The following SNX14 variants were observed in gnomAD, a reference collection of about 807,000 sequenced individuals.
SNX14 encodes the protein sorting nexin 14, also known as sorting nexin-14.
A neutral mutation model predicts 133.8 loss-of-function variants in SNX14; 93 were observed. That is an observed-to-expected ratio of 0.70 (90% CI 0.59 to 0.83). The LOEUF is 0.83. Ranked by LOEUF, SNX14 falls within the 40% of genes least tolerant of loss-of-function variation. The probability of loss-of-function intolerance (pLI) is 0.00; values close to 1 mark genes in which losing one functional copy is unlikely to be tolerated. For synonymous variants in SNX14, 368 were observed against 365.6 expected, an observed-to-expected ratio of 1.01 and a Z score of -0.07; for missense variants, 945 against 1,094.9, an observed-to-expected ratio of 0.86 and a Z score of 1.93.
intron 25 of SNX14, 75 bp downstream of exon 25, chr6:85,513,994 GA>G (rs1773884177): frequency 3.8e-6 from 6 of 1,559,754 alleles, no homozygotes; most frequent in Non-Finnish European, 5.2e-6. Flanking sequence ...AGCAAAACAA[GA>G]TTTCTTCCTC....
chr6:85,509,613 A>G (rs1772063105), intron 26 of SNX14, among the ~76,000 whole-genome samples: 1 of 152,166 alleles, frequency 6.6e-6, no homozygotes, highest in South Asian at 2.1e-4. Flanking sequence ...TGTCTCCCCG[A>G]CTATCAACAT....
intron 17 of SNX14, among the ~76,000 whole-genome samples, chr6:85,536,205 T>C (rs1219607706): frequency 2.6e-5 from 4 of 152,114 alleles, no homozygotes; most frequent in East Asian, 3.9e-4. Flanking sequence ...TCTAGGTCAA[T>C]ACACAAATGA....
chr6:85,548,658 T>C (rs564547569), intron 8 of SNX14, among the ~76,000 whole-genome samples: 2 of 152,146 alleles, frequency 1.3e-5, no homozygotes, highest in Non-Finnish European at 1.5e-5. Context: ...CAGGAGGAAC[T>C]TGGGGGACAT....
intron 12 of SNX14, among the ~76,000 whole-genome samples, chr6:85,544,538 CCTGTAA>C (rs1239667118): frequency 1.3e-5 from 2 of 152,138 alleles, no homozygotes; most frequent in African/African-American, 2.4e-5. Context: ...GTGGCTCATG[CCTGTAA>C]TCCCAGCACT....
chr6:85,584,126 C>T (rs1032172833), intron 1 of SNX14, among the ~76,000 whole-genome samples: 1 of 152,130 alleles, frequency 6.6e-6, no homozygotes, highest in African/African-American at 2.4e-5. Flanking sequence ...TTTGACAAAC[C>T]TGACAAAAAC....
At position 85,541,978 on chromosome 6, in the gene SNX14, A is replaced by C. The variant is rs1783897814; in HGVS notation, c.1448+7T>G. The C allele has an allele frequency of 6.3e-7, 1 of 1,594,384 alleles. No individual in the cohort carries two copies. Among genetic ancestry groups the C allele is most frequent in the Non-Finnish European group, 8.5e-7 (1 of 1,171,640 alleles). On this transcript the variant is annotated splice_region_variant and intron_variant, in intron 15 of 28. Transcript: ENST00000314673. ...CAGCAAGTTCAAAAACAAAACATAC[A>C]ACCTACCTGTTCAATTTTGAATTGC...
At chr6:85,548,597 T>C (rs1786601524) in intron 8 of SNX14, among the ~76,000 whole-genome samples, 2 of 152,144 alleles carry the variant, frequency 1.3e-5, no homozygotes, top group Non-Finnish European at 2.9e-5. Flanking sequence ...TTAGAGTTCT[T>C]ACTTGGCTAA....
chr6:85,535,771 G>A (rs1022124658), intron 17 of SNX14, among the ~76,000 whole-genome samples: 2 of 152,074 alleles, frequency 1.3e-5, no homozygotes, highest in African/African-American at 2.4e-5. Flanking sequence ...ATGGGACAAA[G>A]GTCAAAAGGA....
rs746697352 is a variant in SNX14, at chr6:85,549,908, CAAGTT to C, written c.635-34_635-30del. The C allele has an allele frequency of 1.2e-4, 183 of 1,565,114 alleles. No individual in the cohort carries two copies. In the South Asian group the frequency reaches 1.3e-3, roughly 11 times the overall value. On this transcript the variant is annotated intron_variant, in intron 7 of 28. Coordinates refer to ENST00000314673, the MANE Select transcript of SNX14 (RefSeq NM_153816.6). The stretch of plus-strand genomic sequence containing the variant: ...TAGAGATTAAAGATAAATATTGAAA[CAAGTT>C]AAGTGACATTAAATAATTTCGGTCA...
chr6:85,552,301 G>A (rs1046527290), intron 7 of SNX14, among the ~76,000 whole-genome samples: 4 of 152,102 alleles, frequency 2.6e-5, no homozygotes, highest in Admixed American at 6.6e-5. Flanking sequence ...CTCCCAAAGT[G>A]CTGGGGGAAT....
chr6:85,510,532 A>G (rs757595087), intron 26 of SNX14, among the ~76,000 whole-genome samples: 2 of 152,192 alleles, frequency 1.3e-5, no homozygotes, highest in Non-Finnish European at 2.9e-5. Flanking sequence ...TTTATCTGAT[A>G]CGTCTTTTGC....
chr6:85,563,113 T>C (rs934844394), intron 6 of SNX14, among the ~76,000 whole-genome samples: 2 of 152,046 alleles, frequency 1.3e-5, no homozygotes, highest in South Asian at 2.1e-4. Flanking sequence ...ATTTTGTATC[T>C]TTTTTTTGTG....
intron 20 of SNX14, among the ~76,000 whole-genome samples, chr6:85,528,027 A>C (rs991747086): frequency 6.6e-6 from 1 of 152,124 alleles, no homozygotes; most frequent in Non-Finnish European, 1.5e-5. Flanking sequence ...AAACTAAGTA[A>C]AGATTTTTCT....
chr6:85,569,253 C>T (rs549725884), intron 4 of SNX14, among the ~76,000 whole-genome samples: 3 of 152,318 alleles, frequency 2.0e-5, no homozygotes, highest in African/African-American at 4.8e-5. Context: ...TGAGCCAACA[C>T]GCCCAGCGGG....
In SNX14 at chr6:85,505,499, AT is replaced by A. The variant is rs1770320588; in HGVS notation, c.*467del. 6.3e-6 allele frequency: 1 copy of A among 159,112 alleles called. No homozygotes were observed. Among genetic ancestry groups the A allele is most frequent in the Non-Finnish European group, 1.4e-5 (1 of 73,454 alleles). 9.9% of individuals were successfully genotyped at this position (159,112 alleles called of 1,614,324 possible). On this transcript the variant is annotated 3_prime_UTR_variant, in exon 29 of 29. Coordinates refer to ENST00000314673, the MANE Select transcript of SNX14 (RefSeq NM_153816.6). ...AAGAATAAGGACAAATCCCTTGTTTATTATTAAAAACTCATATAGGATGCTT... is the reference window on the plus strand; with the variant it reads ...AAGAATAAGGACAAATCCCTTGTTTATATTAAAAACTCATATAGGATGCTT...
At chr6:85,558,761 C>G (rs749325684) in intron 6 of SNX14, among the ~76,000 whole-genome samples, 3 of 152,054 alleles carry the variant, frequency 2.0e-5, no homozygotes, top group Non-Finnish European at 4.4e-5. Flanking sequence ...AGGCATTAGC[C>G]ACCATGCCCA....
intron 7 of SNX14, among the ~76,000 whole-genome samples, chr6:85,555,316 C>T (rs1453598595): frequency 1.3e-5 from 2 of 152,076 alleles, no homozygotes; most frequent in African/African-American, 4.8e-5. Context: ...TTATAATTGC[C>T]AAAAATTGGA....
intron 22 of SNX14, 64 bp downstream of exon 22, chr6:85,517,944 T>A (rs1428006187): frequency 1.0e-5 from 16 of 1,573,590 alleles, no homozygotes; most frequent in Non-Finnish European, 1.4e-5. Context: ...CCAGCAAAAT[T>A]TATCAATATT....
At chr6:85,532,116 ATAATT>A (rs762888938) in intron 18 of SNX14, among the ~76,000 whole-genome samples, 21 of 152,344 alleles carry the variant, frequency 1.4e-4, no homozygotes, top group Admixed American at 5.2e-4. Flanking sequence ...ATGAACTATT[ATAATT>A]TATGTTAAAT....
Sources: gnomAD v4.1 joint callset for allele counts (sites outside exome capture counted in the v4.1 genomes callset) on GRCh38, gnomAD v4.1.1 for gene constraint, MANE v1.5 for transcripts, NCBI Gene and HGNC (gene_info 2026-07-23, HGNC 2026-07-21) for gene names.